KCNK17: variants seen among roughly 807,000 people sequenced by gnomAD.
KCNK17 encodes the protein potassium two pore domain channel subfamily K member 17.
KCNK17 carries 27 observed loss-of-function variants against 24.6 expected under a neutral mutation model. That is an observed-to-expected ratio of 1.10 (90% confidence interval 0.81 to 1.51). The LOEUF is 1.51. Ranked by LOEUF, KCNK17 falls within the 40% of genes most tolerant of loss-of-function variation. The pLI, the probability that KCNK17 is intolerant of heterozygous loss-of-function variation, is 0.00. For missense variants in KCNK17, 450 were observed against 436.6 expected (o/e 1.03, Z -0.27); for synonymous variants, 181 against 189.8 (o/e 0.95, Z 0.38).
rs1164111262 is a variant in KCNK17 at position 39,299,693 on chromosome 6, C to T, written c.733G>A (p.Val245Met). The part of the protein sequence containing the change: ...QRYPLWYKNM[V>M]SLWILFGMAW... ...ATCCCAAAGAGGATCCACAGGGACA[C>T]CATGTTCTTGTACCACAGTGGGTAC... The change falls in exon 5 of 5, where the codon GTG becomes ATG. Residue 245 changes from valine (V) to methionine (M), a missense_variant. By Grantham distance (21) the Val-to-Met change is conservative (BLOSUM62 1). Coordinates refer to ENST00000373231, the MANE Select transcript of KCNK17 (RefSeq NM_031460.4). 4.3e-6 allele frequency: 7 copies of T among 1,614,000 alleles called. No homozygotes were observed. The Admixed American group carries it at 5.0e-5, about 12-fold the overall frequency.
In KCNK17 at chr6:39,314,087, G is replaced by T; in HGVS notation, c.234C>A (p.Ile78=). The stretch of plus-strand genomic sequence containing the variant: ...GCCGACGCCGCTCGCCCCTGACCCG[G>T]ATCAGCGAGTCCAGCGCCGGGCGGT... ...CLDRPALDSL[I]RDVVQAYKNG... The change falls in exon 1 of 5, where the codon ATC becomes ATA. Residue 78 remains isoleucine (I), a synonymous_variant. Coordinates refer to ENST00000373231, the MANE Select transcript of KCNK17 (RefSeq NM_031460.4). 6.3e-7 allele frequency: 1 copy of T among 1,579,636 alleles called. No homozygotes were observed.
chr6:39,304,801 T>C, intron 2 of KCNK17, 146 bp from the exon 3 acceptor site: 1 of 834,162 alleles, frequency 1.2e-6, no homozygotes, highest in South Asian at 1.7e-5. Context: ...AGGCCCTCCT[T>C]TTCTGTGCTG....
intron 4 of KCNK17, among the ~76,000 whole-genome samples, chr6:39,301,647 A>G (rs1761952808): frequency 1.3e-5 from 2 of 152,354 alleles, no homozygotes; most frequent in East Asian, 3.9e-4. Context: ...AGCTGAAATC[A>G]TAAGTGGCAG....
intron 1 of KCNK17, among the ~76,000 whole-genome samples, chr6:39,311,762 C>A (rs1162916660): frequency 6.6e-6 from 1 of 151,974 alleles, no homozygotes; most frequent in South Asian, 2.1e-4. Flanking sequence ...TTTAGCTGGG[C>A]CTTTGAGGGT....
At chr6:39,299,832 G>C in intron 4 of KCNK17, 95 bp from the exon 5 acceptor site, 1 of 1,305,200 alleles carries the variant, frequency 7.7e-7, no homozygotes, top group Non-Finnish European at 1.1e-6. Flanking sequence ...ATTCATATAA[G>C]CAAGTTGAGG....
At chr6:39,299,984 C>T (rs979952370) in intron 4 of KCNK17, among the ~76,000 whole-genome samples, 4 of 152,190 alleles carry the variant, frequency 2.6e-5, no homozygotes, top group Non-Finnish European at 4.4e-5. Flanking sequence ...TGCTCCATCC[C>T]AGCAGTTCTC....
intron 2 of KCNK17, among the ~76,000 whole-genome samples, chr6:39,310,047 T>G (rs1762106635): frequency 6.6e-6 from 1 of 152,192 alleles, no homozygotes; most frequent in Non-Finnish European, 1.5e-5. Context: ...GATACTGGTG[T>G]CCTGGAGAGA....
chr6:39,304,803 TCTGTGCTGGGCA>T, intron 2 of KCNK17, 148 bp from the exon 3 acceptor site: 2 of 822,784 alleles, frequency 2.4e-6, no homozygotes. Context: ...GCCCTCCTTT[TCTGTGCTGGGCA>T]CTGTGCAGGG....
In KCNK17 at chr6:39,314,074, C is replaced by T. The variant is rs771033826; in HGVS notation, c.237+10G>A. 5.8e-6 allele frequency: 9 copies of T among 1,555,818 alleles called. No homozygotes were observed. Among genetic ancestry groups the T allele is most frequent in the Middle Eastern group, 1.7e-4 (1 of 5,922 alleles). ...CCGCCGCGCCCAGGCCGACGCCGCT[C>T]GCCCCTGACCCGGATCAGCGAGTCC... On this transcript the variant is annotated intron_variant, in intron 1 of 4. Transcript: ENST00000373231.
At chr6:39,311,444 T>A (rs1762137985) in intron 1 of KCNK17, among the ~76,000 whole-genome samples, 1 of 152,170 alleles carries the variant, frequency 6.6e-6, no homozygotes, top group South Asian at 2.1e-4. Context: ...AACTCTAATA[T>A]GATGCAGTCA....
rs549064622 is a variant in KCNK17, at chr6:39,299,082, T to A, written c.*345A>T. ...TCCGTTTGTTAGGATGGCTCTGTGA[T>A]CATCAGAGATCCAGACTCTTCCTAT... is the stretch of plus-strand genomic sequence containing the variant. On this transcript the variant is annotated 3_prime_UTR_variant, in exon 5 of 5. Transcript: ENST00000373231. 1.8e-4 allele frequency: 50 copies of A among 275,302 alleles called. No individual in the cohort carries two copies. The highest frequency in any genetic ancestry group is 9.9e-4 in the African/African-American group (46 of 46,598). 17.1% of individuals were successfully genotyped at this position (275,302 alleles called of 1,614,324 possible).
chr6:39,314,391 C>A lies in KCNK17; in HGVS notation c.-71G>T. 1 of 1,133,010 alleles carries A rather than the reference C, an allele frequency of 8.8e-7. No individual in the cohort carries two copies. The highest frequency in any genetic ancestry group is 1.8e-5 in the South Asian group (1 of 55,060). 70.2% of individuals were successfully genotyped at this position (1,133,010 alleles called of 1,614,324 possible). A position where few individuals can be genotyped will look rare whatever the true frequency, so the allele number is the denominator to read the frequency against. On this transcript the variant is annotated 5_prime_UTR_variant, in exon 1 of 5. Coordinates refer to ENST00000373231, the MANE Select transcript of KCNK17 (RefSeq NM_031460.4). ...CCGGTGGGAGGGAAGGGCCAGGCGTCCAGCTCGTATCTCCTCTCGCAAACG... is the reference window on the plus strand; with the variant it reads ...CCGGTGGGAGGGAAGGGCCAGGCGTACAGCTCGTATCTCCTCTCGCAAACG...
rs766738265 is a variant in KCNK17, at chr6:39,303,943, C to G, written c.688+14G>C. On this transcript the variant is annotated intron_variant, in intron 4 of 4. Transcript: ENST00000373231. ...CCGAATGTCCCCGCCAGCCCAACCG[C>G]CAGGAACTCTCACCAATCACGTAGT... is the stretch of plus-strand genomic sequence containing the variant. 2 of 1,609,522 alleles carry G rather than the reference C, an allele frequency of 1.2e-6. No individual in the cohort carries two copies. The highest frequency in any genetic ancestry group is 2.7e-5 in the African/African-American group (2 of 74,944).
At position 39,299,593 on chromosome 6, in the gene KCNK17, T is replaced by C; in HGVS notation, c.833A>G (p.His278Arg). Residue 278 changes from histidine (H) to arginine (R), a missense_variant, in exon 5 of 5, where the codon CAC becomes CGC. His to Arg is a conservative substitution (Grantham distance 29, BLOSUM62 0). Transcript: ENST00000373231. ...CTTGAAGTCTTCCTTAGAGCTGTGGTGGCAGCAGGAACATACCCTCCCTGG... is the reference window on the plus strand; with the variant it reads ...CTTGAAGTCTTCCTTAGAGCTGTGGCGGCAGCAGGAACATACCCTCCCTGG... ...ETPGRVCSCC[H>R]HSSKEDFKSQ... The C allele has an allele frequency of 1.2e-6, 2 of 1,614,108 alleles. No homozygotes were observed. The highest frequency in any genetic ancestry group is 1.7e-6 in the Non-Finnish European group (2 of 1,180,014).
chr6:39,299,620 G>A lies in KCNK17; in HGVS notation c.806C>T (p.Thr269Met), dbSNP rs980221177. The stretch of plus-strand genomic sequence containing the variant: ...GCAGCAGGAACATACCCTCCCTGGC[G>A]TCTCCAGCTGGGAGAGGATGAGTTT... ...IIKLILSQLE[T>M]PGRVCSCCHH... is the part of the protein sequence containing the mutation. Residue 269 changes from threonine (T) to methionine (M), a missense_variant, in exon 5 of 5, where the codon ACG (threonine) becomes ATG (methionine). Physicochemically the swap from Thr to Met is moderately conservative, Grantham distance 81. Coordinates refer to ENST00000373231, the MANE Select transcript of KCNK17 (RefSeq NM_031460.4). The A allele has an allele frequency of 2.6e-5, 42 of 1,613,992 alleles. No homozygotes were observed. Among genetic ancestry groups the A allele is most frequent in the African/African-American group, 2.0e-4 (15 of 74,890 alleles).
At chr6:39,311,639 T>C (rs6907212) in intron 1 of KCNK17, among the ~76,000 whole-genome samples, 2,762 of 152,290 alleles carry the variant, frequency 0.018, 74 homozygotes, top group African/African-American at 0.058. Flanking sequence ...GTGTTAGCAG[T>C]TGCTATATTG....
chr6:39,310,883 T>G lies in KCNK17; in HGVS notation c.352+10A>C. ...CCACCCCCATCCCCCTGGCCCCATC[T>G]GGCCCTTACCAATGGTGGTGATGGT... On this transcript the variant is annotated intron_variant, in intron 2 of 4. Coordinates refer to ENST00000373231, the MANE Select transcript of KCNK17 (RefSeq NM_031460.4). The G allele has an allele frequency of 1.1e-5, 10 of 940,062 alleles. No homozygotes were observed. Among genetic ancestry groups the G allele is most frequent in the East Asian group, 3.3e-5 (1 of 30,508 alleles). The allele number at this position is 940,062 out of a possible 1,614,324, so 58.2% of individuals were successfully genotyped here. A position where few individuals can be genotyped will look rare whatever the true frequency, so the allele number is the denominator to read the frequency against.
At chr6:39,305,155 T>C (rs1473494901) in intron 2 of KCNK17, among the ~76,000 whole-genome samples, 1 of 152,194 alleles carries the variant, frequency 6.6e-6, no homozygotes, top group African/African-American at 2.4e-5. Context: ...AGTGTGGCAC[T>C]CCTCTTTCAA....
intron 2 of KCNK17, among the ~76,000 whole-genome samples, chr6:39,308,476 A>G (rs1409180250): frequency 2.6e-5 from 4 of 152,310 alleles, no homozygotes. Flanking sequence ...TTTTTAGAAG[A>G]GATGGGGTTT....
Sources: allele counts gnomAD v4.1 joint callset (sites outside exome capture counted in the v4.1 genomes callset), GRCh38; gene constraint gnomAD v4.1.1; transcripts MANE v1.5; gene names NCBI Gene and HGNC (gene_info 2026-07-23, HGNC 2026-07-21).